OR3A2: variants seen among roughly 807,000 people sequenced by gnomAD.
The protein encoded by OR3A2 is olfactory receptor 3A2.
For synonymous variants in OR3A2, 126 were observed against 159.3 expected (o/e 0.79, Z 1.57); for missense variants, 318 against 392.8 (o/e 0.81, Z 1.61).
chr17:3,285,337 T>A (rs942224710), upstream of OR3A2, among the ~76,000 whole-genome samples: 1 of 152,134 alleles, frequency 6.6e-6, no homozygotes, highest in Non-Finnish European at 1.5e-5. Flanking sequence ...TTATTAGTGG[T>A]TTGACTTTGT....
intron 2 of OR3A2, among the ~76,000 whole-genome samples, chr17:3,349,064 CTG>C (rs1366816426): frequency 0.015 from 2,358 of 152,184 alleles, 60 homozygotes; most frequent in African/African-American, 0.054. Context: ...CCGGTACCAG[CTG>C]CTGCAAAATC....
intron 2 of OR3A2, among the ~76,000 whole-genome samples, chr17:3,350,197 G>A (rs1246657842): frequency 1.3e-5 from 2 of 151,878 alleles, no homozygotes; most frequent in Non-Finnish European, 2.9e-5. Context: ...CAGAACTGAA[G>A]GAAATAGAGA....
At chr17:3,328,736 A>G (rs948951898) in intron 3 of OR3A2, among the ~76,000 whole-genome samples, 2 of 140,696 alleles carry the variant, frequency 1.4e-5, no homozygotes, top group African/African-American at 5.8e-5. Context: ...CGTCCCATCA[A>G]TACCTAATTT....
At chr17:3,300,938 G>A (rs941628229) in intron 3 of OR3A2, among the ~76,000 whole-genome samples, 6 of 150,650 alleles carry the variant, frequency 4.0e-5, no homozygotes, top group Non-Finnish European at 5.9e-5. Flanking sequence ...GAGAACATGC[G>A]GTGTTTGGTT....
chr17:3,337,300 G>A (rs1026069456), intron 2 of OR3A2, among the ~76,000 whole-genome samples: 2 of 152,252 alleles, frequency 1.3e-5, no homozygotes, highest in African/African-American at 4.8e-5. Flanking sequence ...TGTACTTTAA[G>A]TTCTAGGGTA....
chr17:3,292,333 T>C (rs763954548), intron 3 of OR3A2: 10 of 1,613,722 alleles, frequency 6.2e-6, no homozygotes, highest in East Asian at 2.2e-5. Flanking sequence ...CGACTCAACA[T>C]TGATGGAACA....
chr17:3,372,847 AGGAGAG>A (rs762420106), intron 2 of OR3A2, among the ~76,000 whole-genome samples: 869 of 64,758 alleles, frequency 0.013, 24 homozygotes, highest in Non-Finnish European at 0.018. Context: ...GAGAAGGAGA[AGGAGAG>A]GGAGAGGGAG....
chr17:3,317,213 G>T (rs563670230), intron 3 of OR3A2, among the ~76,000 whole-genome samples: 1 of 152,196 alleles, frequency 6.6e-6, no homozygotes, highest in Non-Finnish European at 1.5e-5. Context: ...GAAGAGACGT[G>T]AAGGCCTGAG....
chr17:3,372,858 AGGGAGAGGGAGAG>A (rs1567571729), intron 2 of OR3A2, among the ~76,000 whole-genome samples: 1 of 14,570 alleles, frequency 6.9e-5, no homozygotes, highest in Non-Finnish European at 1.1e-4. Context: ...GGAGAGGGAG[AGGGAGAGGGAGAG>A]GGAGAGGGAG....
At chr17:3,299,491 C>T (rs746684218) in intron 3 of OR3A2, among the ~76,000 whole-genome samples, 1 of 152,140 alleles carries the variant, frequency 6.6e-6, no homozygotes, top group African/African-American at 2.4e-5. Context: ...TCCTGAGGGA[C>T]GTCTCTTCCC....
chr17:3,301,486 T>A (rs2048965463), intron 3 of OR3A2, among the ~76,000 whole-genome samples: 1 of 152,242 alleles, frequency 6.6e-6, no homozygotes, highest in Non-Finnish European at 1.5e-5. Flanking sequence ...TGCATAAATG[T>A]CTTCTTTTGA....
chr17:3,356,672 C>G (rs780373684), intron 2 of OR3A2, among the ~76,000 whole-genome samples: 1 of 151,518 alleles, frequency 6.6e-6, no homozygotes, highest in East Asian at 1.9e-4. Context: ...ACAAACCTAG[C>G]ATCCAGATCA....
intron 3 of OR3A2, among the ~76,000 whole-genome samples, chr17:3,322,063 T>A (rs2049128124): frequency 6.6e-6 from 1 of 152,064 alleles, no homozygotes; most frequent in South Asian, 2.1e-4. Flanking sequence ...TCAGAGCCTG[T>A]TATTGGTCTA....
intron 2 of OR3A2, among the ~76,000 whole-genome samples, chr17:3,351,787 G>A (rs1392391901): frequency 1.3e-5 from 2 of 151,986 alleles, no homozygotes; most frequent in Non-Finnish European, 2.9e-5. Context: ...CAACTATACT[G>A]CAAGGCTACA....
At chr17:3,376,891 G>C (rs371498346) in intron 2 of OR3A2, among the ~76,000 whole-genome samples, 1 of 152,178 alleles carries the variant, frequency 6.6e-6, no homozygotes, top group East Asian at 1.9e-4. Context: ...GACCAGGGGT[G>C]CCTACAGGGC....
At chr17:3,322,964 G>A (rs1357117181) in intron 3 of OR3A2, among the ~76,000 whole-genome samples, 3 of 152,172 alleles carry the variant, frequency 2.0e-5, no homozygotes, top group Non-Finnish European at 1.5e-5. Context: ...AATGTTGACA[G>A]TGGGGTGTTA....
chr17:3,303,976 T>TATAC (rs1555525731), intron 3 of OR3A2, among the ~76,000 whole-genome samples: 17 of 129,256 alleles, frequency 1.3e-4, no homozygotes, highest in African/African-American at 3.0e-4. Flanking sequence ...TATATATATA[T>TATAC]ACTAATTATT....
At chr17:3,292,444 T>G (rs754730963) in intron 3 of OR3A2, 11 of 1,611,798 alleles carry the variant, frequency 6.8e-6, no homozygotes, top group Non-Finnish European at 7.6e-6. Flanking sequence ...GCCAGGATGC[T>G]GAGGTTGCCC....
chr17:3,308,266 GA>G (rs1567549500), intron 3 of OR3A2, among the ~76,000 whole-genome samples: 1 of 152,204 alleles, frequency 6.6e-6, no homozygotes, highest in Admixed American at 6.5e-5. Flanking sequence ...ATCCCAGTGT[GA>G]AAATGATGTC....
Sources: gnomAD v4.1 joint callset for allele counts (sites outside exome capture counted in the v4.1 genomes callset) on GRCh38, gnomAD v4.1.1 for gene constraint, MANE v1.5 for transcripts, NCBI Gene and HGNC (gene_info 2026-07-23, HGNC 2026-07-21) for gene names.